The following SLC2A13 variants were observed in gnomAD, a reference collection of about 807,000 sequenced individuals.
SLC2A13 encodes the protein proton myo-inositol cotransporter.
A neutral mutation model predicts 64.4 loss-of-function variants in SLC2A13; 32 were observed. The ratio of observed to expected loss-of-function variants is 0.50; its 90% CI spans 0.37 to 0.67. The LOEUF is 0.67. Among genes scored for constraint, SLC2A13 ranks in the 30% least tolerant of loss-of-function variants. The pLI is 0.00. For missense variants in SLC2A13, 743 were observed against 829.2 expected (o/e 0.90, Z 1.28); for synonymous variants, 338 against 327.1 (o/e 1.03, Z -0.36).
intron 3 of SLC2A13, among the ~76,000 whole-genome samples, chr12:39,987,023 A>G (rs997090766): frequency 2.0e-5 from 3 of 152,140 alleles, no homozygotes; most frequent in Non-Finnish European, 2.9e-5. Flanking sequence ...ATAAACTATA[A>G]ATTTAACAAC....
chr12:39,914,279 G>A lies in SLC2A13; in HGVS notation c.1034+36978C>T, dbSNP rs892228235. 2.0e-5 allele frequency among the ~76,000 whole-genome samples: 3 copies of A among 151,966 alleles called. No individual in the cohort carries two copies. The East Asian group carries it at 5.8e-4, about 29-fold the overall frequency. ...AAATAAGCAAGCTAAGGATTCTACT[G>A]AGAAATTAAAAAATGAATGTCTGCT... On this transcript the variant is annotated intron_variant, in intron 4 of 9. Transcript: ENST00000280871.
Position 39,948,197 on chromosome 12 carries a change from A to C in SLC2A13, c.1034+3060T>G, listed in dbSNP as rs577325174. ...TAGGATGAGAGTCATATTATAAAAA[A>C]AAATTGCCTCATCTAAAAGTGAAAT... On this transcript the variant is annotated intron_variant, in intron 4 of 9. Coordinates refer to ENST00000280871, the MANE Select transcript of SLC2A13 (RefSeq NM_052885.4). 9.2e-5 allele frequency among the ~76,000 whole-genome samples: 14 copies of C among 152,314 alleles called. No homozygotes were observed. In the East Asian group the frequency reaches 2.5e-3, roughly 27 times the overall value.
chr12:40,023,767 A>G (rs558180626), intron 3 of SLC2A13, among the ~76,000 whole-genome samples: 2 of 152,342 alleles, frequency 1.3e-5, no homozygotes, highest in South Asian at 2.1e-4. Context: ...AGAAACTCCA[A>G]ACTCTTTCAG....
In SLC2A13 at chr12:39,811,332, C is replaced by CTT. The variant is rs151107388; in HGVS notation, c.1445+18769_1445+18770dup. Among the ~76,000 whole-genome samples, 834 of 152,062 alleles carry CTT rather than the reference C, an allele frequency of 5.5e-3. 7 individuals are homozygous for CTT. Among genetic ancestry groups the CTT allele is most frequent in the African/African-American group, 0.019 (790 of 41,520 alleles). On this transcript the variant is annotated intron_variant, in intron 7 of 9. Coordinates refer to ENST00000280871, the MANE Select transcript of SLC2A13 (RefSeq NM_052885.4). Reference sequence around the variant, plus strand: ...TTATTGTTTCCTACTACCATTATATCTTTCCTTCTAATTACTTTGGGTTTT... The same window carrying CTT: ...TTATTGTTTCCTACTACCATTATATCTTTTTCCTTCTAATTACTTTGGGTTTT...
chr12:39,892,132 A>G (rs901635039), intron 4 of SLC2A13, among the ~76,000 whole-genome samples: 2 of 152,200 alleles, frequency 1.3e-5, no homozygotes, highest in African/African-American at 2.4e-5. Context: ...CTTCTGCTCC[A>G]CATAGCATGC....
intron 6 of SLC2A13, among the ~76,000 whole-genome samples, chr12:39,858,316 G>C (rs754913032): frequency 5.3e-5 from 8 of 152,012 alleles, no homozygotes; most frequent in African/African-American, 1.7e-4. Context: ...TCTCCAATGG[G>C]TCTGTAGATA....
intron 1 of SLC2A13, among the ~76,000 whole-genome samples, chr12:40,075,562 A>G (rs887035584): frequency 6.6e-6 from 1 of 152,130 alleles, no homozygotes. Flanking sequence ...TGATTATAAT[A>G]TTATCTGGGC....
intron 3 of SLC2A13, among the ~76,000 whole-genome samples, chr12:39,977,690 G>A (rs992851): frequency 0.088 from 13,470 of 152,260 alleles, 750 homozygotes; most frequent in Non-Finnish European, 0.11. Context: ...AATATCCTCA[G>A]TGGTCACAAA....
chr12:39,885,170 G>A (rs2135966465), intron 4 of SLC2A13, among the ~76,000 whole-genome samples: 1 of 152,344 alleles, frequency 6.6e-6, no homozygotes, highest in African/African-American at 2.4e-5. Flanking sequence ...ACTGAGTGGG[G>A]AAGAAGGATC....
Position 39,993,318 on chromosome 12 carries a change from T to C in SLC2A13, c.925+34983A>G, listed in dbSNP as rs10506141. On this transcript the variant is annotated intron_variant, in intron 3 of 9. Coordinates refer to ENST00000280871, the MANE Select transcript of SLC2A13 (RefSeq NM_052885.4). ...CTCAATTTTTAATGCTAATCTTTTA[T>C]GGCAATCCTATTTTAGAAGCTAATA... Among the ~76,000 whole-genome samples, 31 of 152,282 alleles carry C rather than the reference T, an allele frequency of 2.0e-4. 1 individual carries two copies. Among genetic ancestry groups the C allele is most frequent in the Non-Finnish European group, 3.5e-4 (24 of 68,010 alleles).
intron 6 of SLC2A13, among the ~76,000 whole-genome samples, chr12:39,833,845 G>C (rs1042244373): frequency 2.0e-5 from 3 of 148,950 alleles, no homozygotes; most frequent in African/African-American, 5.0e-5. Context: ...GCACCTTGGA[G>C]CTCACACCCT....
intron 4 of SLC2A13, among the ~76,000 whole-genome samples, chr12:39,877,127 A>G (rs1457646900): frequency 1.3e-5 from 2 of 152,268 alleles, no homozygotes; most frequent in African/African-American, 2.4e-5. Context: ...GACTGTTTGT[A>G]TACTCAAAAA....
chr12:40,034,289 A>T (rs569525139), intron 2 of SLC2A13, among the ~76,000 whole-genome samples: 2 of 152,332 alleles, frequency 1.3e-5, no homozygotes, highest in East Asian at 3.9e-4. Context: ...CCATGAAAGC[A>T]TTAAGGTACA....
intron 4 of SLC2A13, among the ~76,000 whole-genome samples, chr12:39,900,888 C>T (rs1225102800): frequency 2.0e-5 from 3 of 152,138 alleles, no homozygotes; most frequent in Non-Finnish European, 4.4e-5. Flanking sequence ...CAAGTCAATC[C>T]TAAGCCAAAA....
chr12:39,837,196 A>G (rs1943033112), intron 6 of SLC2A13, among the ~76,000 whole-genome samples: 1 of 149,652 alleles, frequency 6.7e-6, no homozygotes, highest in South Asian at 2.1e-4. Flanking sequence ...CATACCTACA[A>G]CTATCTGATC....
chr12:39,979,158 CA>C (rs1329690630), intron 3 of SLC2A13, among the ~76,000 whole-genome samples: 1 of 147,768 alleles, frequency 6.8e-6, no homozygotes, highest in Non-Finnish European at 1.5e-5. Flanking sequence ...ACATCCACAC[CA>C]AAAACCCATC....
intron 4 of SLC2A13, among the ~76,000 whole-genome samples, chr12:39,875,910 A>G (rs1592230782): frequency 6.6e-6 from 1 of 152,202 alleles, no homozygotes; most frequent in Admixed American, 6.5e-5. Flanking sequence ...TGCATTTTCA[A>G]GGGACTGTAT....
Position 39,852,665 on chromosome 12 carries a change from C to T in SLC2A13, c.1319+12097G>A, listed in dbSNP as rs558825511. On this transcript the variant is annotated intron_variant, in intron 6 of 9. Coordinates refer to ENST00000280871, the MANE Select transcript of SLC2A13 (RefSeq NM_052885.4). ...CTAGAACTAAATCAAAAGGAAAACC[C>T]CAACTTTCCACGCTCAAGGAACAAA... Among the ~76,000 whole-genome samples the T allele has an allele frequency of 4.6e-5, 7 of 152,256 alleles. No individual in the cohort carries two copies. The South Asian group carries it at 1.2e-3, about 27-fold the overall frequency.
intron 1 of SLC2A13, among the ~76,000 whole-genome samples, chr12:40,055,011 A>G (rs939782185): frequency 1.4e-4 from 22 of 152,214 alleles, no homozygotes; most frequent in African/African-American, 4.3e-4. Flanking sequence ...AAAGAAACAG[A>G]GTCTGTCAAA....
Sources: allele counts gnomAD v4.1 joint callset (sites outside exome capture counted in the v4.1 genomes callset), GRCh38; gene constraint gnomAD v4.1.1; transcripts MANE v1.5; gene names NCBI Gene and HGNC (gene_info 2026-07-23, HGNC 2026-07-21).